The following GOLGA8H variants were observed in gnomAD, a reference collection of about 807,000 sequenced individuals.
The protein encoded by GOLGA8H is golgin A8 family member H.
GOLGA8H carries 47 observed loss-of-function variants against 82.7 expected under a neutral mutation model. The observed-to-expected ratio is 0.57, with a 90% confidence interval of 0.45 to 0.73. GOLGA8H has a LOEUF of 0.73. Ranked by LOEUF, GOLGA8H falls within the 30% of genes least tolerant of loss-of-function variation. GOLGA8H has a pLI of 0.00. For synonymous variants in GOLGA8H, 108 were observed against 241.6 expected (o/e 0.45, Z 5.13); for missense variants, 372 against 661.0 (o/e 0.56, Z 4.79).
intron 2 of GOLGA8H, among the ~76,000 whole-genome samples, chr15:30,606,348 G>T (rs1252970598): frequency 6.7e-6 from 1 of 149,600 alleles, no homozygotes; most frequent in Admixed American, 6.6e-5. Flanking sequence ...GCAAGACTCT[G>T]TCTCAAAGAA....
rs1253528052 is a variant in GOLGA8H at position 30,613,349 on chromosome 15, A to C, written c.1368+154A>C. ...AGACTCCATTTCACCTGTGGCCAAC[A>C]GGTGCACTCTCTGAGGCTCCAAGGG... On this transcript the variant is annotated intron_variant, in intron 15 of 18. Coordinates refer to ENST00000566740, the MANE Select transcript of GOLGA8H (RefSeq NM_001282490.2). 4.3e-5 allele frequency among the ~76,000 whole-genome samples: 4 copies of C among 93,804 alleles called. 1 individual carries two copies. The East Asian group carries it at 8.3e-4, about 19-fold the overall frequency. 61.5% of individuals were successfully genotyped at this position (93,804 alleles called of 152,430 possible). A position where few individuals can be genotyped will look rare whatever the true frequency, so the allele number is the denominator to read the frequency against.
At chr15:30,606,356 G>GAA (rs1243832953) in intron 2 of GOLGA8H, among the ~76,000 whole-genome samples, 71 of 140,850 alleles carry the variant, frequency 5.0e-4, no homozygotes, top group African/African-American at 1.8e-3. Flanking sequence ...CTGTCTCAAA[G>GAA]AAAAAAAAAA....
rs961724660 is a variant in GOLGA8H at position 30,616,216 on chromosome 15, T to C, written c.*1655T>C. On this transcript the variant is annotated 3_prime_UTR_variant, in exon 19 of 19. Coordinates refer to ENST00000566740, the MANE Select transcript of GOLGA8H (RefSeq NM_001282490.2). ...CAGTTCAAACTTCATGAAGTTCTAA[T>C]GTCTGTGTTCCAAAACACATCACAT... is the stretch of plus-strand genomic sequence containing the variant. Among the ~76,000 whole-genome samples, 2 of 151,266 alleles carry C rather than the reference T, an allele frequency of 1.3e-5. No homozygotes were observed. Among genetic ancestry groups the C allele is most frequent in the African/African-American group, 4.9e-5 (2 of 41,136 alleles).
chr15:30,616,878 T>A lies in GOLGA8H; in HGVS notation c.*2317T>A, dbSNP rs2140863458. The stretch of plus-strand genomic sequence containing the variant: ...TGACCTTCGGATAGTGTTTAGCATC[T>A]GTAACCAATCTGACAATAATGTGTT... On this transcript the variant is annotated 3_prime_UTR_variant, in exon 19 of 19. Transcript: ENST00000566740. 1 of 151,182 alleles carries A rather than the reference T, an allele frequency of 6.6e-6. No individual in the cohort carries two copies. The highest frequency in any genetic ancestry group is 2.1e-4 in the South Asian group (1 of 4,790). The allele number at this position is 151,182 out of a possible 1,614,324, so 9.4% of individuals were successfully genotyped here.
intron 8 of GOLGA8H, among the ~76,000 whole-genome samples, 161 bp downstream of exon 8, chr15:30,608,917 G>C (rs1375703939): frequency 7.4e-6 from 1 of 134,546 alleles, no homozygotes; most frequent in Non-Finnish European, 1.6e-5. Context: ...CTGGGGCTGA[G>C]TCAGCTGCTG....
intron 4 of GOLGA8H, chr15:30,607,555 TAGTG>T: frequency 4.3e-6 from 1 of 230,676 alleles, no homozygotes; most frequent in Non-Finnish European, 8.0e-6. Flanking sequence ...CCAGAGGAGG[TAGTG>T]AGTATCAAAG....
rs1222671965 is a variant in GOLGA8H, at chr15:30,607,903, C to G, written c.310-127C>G. The G allele has an allele frequency of 7.6e-6, 6 of 794,282 alleles. 1 individual carries two copies. The highest frequency in any genetic ancestry group is 6.4e-5 in the Admixed American group (3 of 46,822). 49.2% of individuals were successfully genotyped at this position (794,282 alleles called of 1,614,324 possible). A position where few individuals can be genotyped will look rare whatever the true frequency, so the allele number is the denominator to read the frequency against. On this transcript the variant is annotated intron_variant, in intron 4 of 18. Coordinates refer to ENST00000566740, the MANE Select transcript of GOLGA8H (RefSeq NM_001282490.2). ...GGAGCTTGAGGAGAGTTTACCGGTT[C>G]GTGTTCCCATTATGTCTGAGAACTT... is the stretch of plus-strand genomic sequence containing the variant.
chr15:30,615,388 C>A lies in GOLGA8H; in HGVS notation c.*827C>A, dbSNP rs575911473. ...TCGATGACCTAAAAAGGGCTTATTTCTGAGGAATGAAAGGTTCCCATCATT... is the reference window on the plus strand; with the variant it reads ...TCGATGACCTAAAAAGGGCTTATTTATGAGGAATGAAAGGTTCCCATCATT... On this transcript the variant is annotated 3_prime_UTR_variant, in exon 19 of 19. Transcript: ENST00000566740. 6.6e-6 allele frequency among the ~76,000 whole-genome samples: 1 copy of A among 151,948 alleles called. No homozygotes were observed. Among genetic ancestry groups the A allele is most frequent in the Non-Finnish European group, 1.5e-5 (1 of 67,962 alleles).
chr15:30,608,112 G>A, intron 5 of GOLGA8H, 44 bp downstream of exon 5: 1 of 1,507,450 alleles, frequency 6.6e-7, no homozygotes, highest in Non-Finnish European at 9.1e-7. Flanking sequence ...CTGGGTTTGG[G>A]GGGCACTCAG....
In GOLGA8H at chr15:30,605,952, C is replaced by T. The variant is rs1320130295; in HGVS notation, c.158C>T (p.Pro53Leu). 3.8e-6 allele frequency: 6 copies of T among 1,596,484 alleles called. No individual in the cohort carries two copies. Among genetic ancestry groups the T allele is most frequent in the South Asian group, 1.1e-5 (1 of 90,316 alleles). Residue 53 changes from proline (P) to leucine (L), a missense_variant, in exon 2 of 19, where the codon CCA (proline) becomes CTA (leucine). Pro to Leu is a moderately conservative substitution (Grantham distance 98, BLOSUM62 -3). Coordinates refer to ENST00000566740, the MANE Select transcript of GOLGA8H (RefSeq NM_001282490.2). Reference sequence around the variant, plus strand: ...AAAGCCACTTCTGGTGGTTGCCAGCCACCTGGGGATGTGAGTCTTGGCTGA... The same window carrying T: ...AAAGCCACTTCTGGTGGTTGCCAGCTACCTGGGGATGTGAGTCTTGGCTGA... ...PEKATSGGCQPPGDSATGFHR... is the reference protein window; with the variant it reads ...PEKATSGGCQLPGDSATGFHR...
intron 2 of GOLGA8H, among the ~76,000 whole-genome samples, chr15:30,606,316 T>C (rs1485029758): frequency 2.0e-5 from 3 of 150,442 alleles, no homozygotes; most frequent in Admixed American, 6.6e-5. Flanking sequence ...ATTATGCCAC[T>C]GCACTCCAGC....
At chr15:30,613,252 A>C in intron 15 of GOLGA8H, 57 bp downstream of exon 15, 1 of 494,914 alleles carries the variant, frequency 2.0e-6, no homozygotes. Context: ...TCCCTCCAAG[A>C]CCCCTTTATG....
At chr15:30,606,520 G>A (rs558375022) in intron 2 of GOLGA8H, among the ~76,000 whole-genome samples, 30 of 151,562 alleles carry the variant, frequency 2.0e-4, no homozygotes, top group African/African-American at 7.3e-4. Flanking sequence ...CATGAGATTT[G>A]TTATTGTTGT....
At chr15:30,612,514 G>A in intron 13 of GOLGA8H, 83 bp from the exon 14 acceptor site, 5 of 1,308,068 alleles carry the variant, frequency 3.8e-6, no homozygotes, top group Non-Finnish European at 5.3e-6. Flanking sequence ...AGGAGACCCA[G>A]GGGAGGGAGC....
chr15:30,605,702 A>G, intron 1 of GOLGA8H, 141 bp from the exon 2 acceptor site: 6 of 1,423,864 alleles, frequency 4.2e-6, no homozygotes, highest in Non-Finnish European at 5.6e-6. Flanking sequence ...CAGTCACTAA[A>G]TGAGTGTGAC....
intron 13 of GOLGA8H, 80 bp downstream of exon 13, chr15:30,611,426 G>A: frequency 1.3e-6 from 2 of 1,492,612 alleles, no homozygotes; most frequent in Non-Finnish European, 1.8e-6. Context: ...GAGGTGCCAG[G>A]CCAGAGGCAG....
intron 1 of GOLGA8H, 63 bp from the exon 2 acceptor site, chr15:30,605,780 A>G (rs1167779538): frequency 2.5e-6 from 4 of 1,581,084 alleles, no homozygotes; most frequent in East Asian, 4.5e-5. Flanking sequence ...AAAAACTGTA[A>G]AGGAGGATGT....
At chr15:30,609,955 G>A (rs1353649380) in intron 9 of GOLGA8H, 44 bp from the exon 10 acceptor site, 1 of 1,602,366 alleles carries the variant, frequency 6.2e-7, no homozygotes, top group Non-Finnish European at 8.5e-7. Context: ...GAGCAGGTGA[G>A]GACCAGTGAC....
chr15:30,614,931 C>A lies in GOLGA8H; in HGVS notation c.*370C>A, dbSNP rs182277424. On this transcript the variant is annotated 3_prime_UTR_variant, in exon 19 of 19. Coordinates refer to ENST00000566740, the MANE Select transcript of GOLGA8H (RefSeq NM_001282490.2). ...CTGCCATGCTTTTTTAATGTTATTG[C>A]AGCATGTACATTCACTACAGAATTC... Among the ~76,000 whole-genome samples, 5 of 152,002 alleles carry A rather than the reference C, an allele frequency of 3.3e-5. No individual in the cohort carries two copies. The highest frequency in any genetic ancestry group is 4.8e-5 in the African/African-American group (2 of 41,464).
Sources: gnomAD v4.1 joint callset for allele counts (sites outside exome capture counted in the v4.1 genomes callset) on GRCh38, gnomAD v4.1.1 for gene constraint, MANE v1.5 for transcripts, NCBI Gene and HGNC (gene_info 2026-07-23, HGNC 2026-07-21) for gene names.